The following MTOR variants were observed in gnomAD, a reference collection of about 807,000 sequenced individuals.
The protein encoded by MTOR is serine/threonine-protein kinase mTOR.
A neutral mutation model predicts 319.8 loss-of-function variants in MTOR; 70 were observed. The ratio of observed to expected loss-of-function variants is 0.22; its 90% CI spans 0.18 to 0.27. MTOR has a LOEUF of 0.27. MTOR is among the 10% of genes least tolerant of loss of function. The pLI, the probability that MTOR is intolerant of heterozygous loss-of-function variation, is 1.00. For synonymous variants in MTOR, 1,183 were observed against 1,211.4 expected (o/e 0.98, Z 0.49); for missense variants, 1,890 against 3,274.4 (o/e 0.58, Z 10.32).
In MTOR at chr1:11,133,310, C is replaced by A; in HGVS notation, c.5247-113G>T. The A allele has an allele frequency of 2.1e-6, 2 of 951,864 alleles. No homozygotes were observed. The highest frequency in any genetic ancestry group is 1.5e-5 in the South Asian group (1 of 66,784). 59.0% of individuals were successfully genotyped at this position (951,864 alleles called of 1,614,324 possible). On this transcript the variant is annotated intron_variant, in intron 37 of 57. Transcript: ENST00000361445. The surrounding 1 kb of genome is among the most constrained non-coding windows in gnomAD (Gnocchi z 4.0). ...CCCTTCTGGTATTTCCTCTTATTCT[C>A]AAGAGGCAATGTGAAGGAGCTAGCA...
At chr1:11,111,255 G>C in intron 54 of MTOR, 2 of 428,746 alleles carry the variant, frequency 4.7e-6, no homozygotes, top group South Asian at 3.4e-5. Context: ...GAGGCGGGCA[G>C]ATCACTTGAG....
At chr1:11,138,302 A>G (rs552501012) in intron 36 of MTOR, among the ~76,000 whole-genome samples, 2 of 152,208 alleles carry the variant, frequency 1.3e-5, no homozygotes, top group Non-Finnish European at 2.9e-5. Flanking sequence ...AGACTGAAAA[A>G]TAAAACAAAA....
intron 28 of MTOR, chr1:11,189,252 C>T (rs186558291): frequency 8.9e-6 from 2 of 224,368 alleles, no homozygotes; most frequent in Middle Eastern, 1.8e-3. Context: ...AGGCACCTGA[C>T]CCTCCCAGAT....
chr1:11,126,560 G>A (rs1287856010), intron 46 of MTOR, 62 bp downstream of exon 46: 1 of 1,540,508 alleles, frequency 6.5e-7, no homozygotes, highest in Non-Finnish European at 8.9e-7. Flanking sequence ...TCAGAAGAGG[G>A]AAGGGGTCTC....
rs758900805 is a variant in MTOR at position 11,128,918 on chromosome 1, C to A, written c.5748G>T (p.Trp1916Cys). 7.4e-6 allele frequency: 12 copies of A among 1,613,616 alleles called. No individual in the cohort carries two copies. In the Admixed American group the frequency reaches 2.0e-4, roughly 27 times the overall value. Residue 1916 changes from tryptophan (W) to cysteine (C), a missense_variant, in exon 41 of 58, where the codon TGG becomes TGT. Transcript: ENST00000361445. This position sits in a 1 kb window ranked among gnomAD's most constrained non-coding sequence, Gnocchi z 5.3. ...VLTLWFDYGH[W>C]PDVNEALVEG... ...CCACTAAGGCCTCATTGACATCTGGCCAGTGACCATAATCAAACCATAAGG... is the reference window on the plus strand; with the variant it reads ...CCACTAAGGCCTCATTGACATCTGGACAGTGACCATAATCAAACCATAAGG...
rs891396154 is a variant in MTOR, at chr1:11,205,785, T to C, written c.3802-1082A>G. On this transcript the variant is annotated intron_variant, in intron 25 of 57. Coordinates refer to ENST00000361445, the MANE Select transcript of MTOR (RefSeq NM_004958.4). ...CACTAAATCCCTAACTTTTAAAATA[T>C]GTTCTTCATAGATTTTTCCAGCAGG... Among the ~76,000 whole-genome samples the C allele has an allele frequency of 2.0e-5, 3 of 152,344 alleles. No individual in the cohort carries two copies. In the East Asian group the frequency reaches 5.8e-4, roughly 29 times the overall value.
intron 28 of MTOR, chr1:11,194,694 G>A (rs1329215150): frequency 6.2e-7 from 1 of 1,613,180 alleles, no homozygotes; most frequent in Non-Finnish European, 8.5e-7. Context: ...GAGAAGTTCA[G>A]GTACAAGCTC....
At chr1:11,157,863 T>C (rs147547472) in intron 29 of MTOR, among the ~76,000 whole-genome samples, 265 of 152,342 alleles carry the variant, frequency 1.7e-3, no homozygotes, top group African/African-American at 6.2e-3. Flanking sequence ...GAAATAATAA[T>C]TTAAAATATA....
At position 11,253,552 on chromosome 1, in the gene MTOR, G is replaced by C. The variant is rs916950036; in HGVS notation, c.840+287C>G. Among the ~76,000 whole-genome samples, 3 of 151,934 alleles carry C rather than the reference G, an allele frequency of 2.0e-5. No homozygotes were observed. The South Asian group carries it at 6.2e-4, about 32-fold the overall frequency. On this transcript the variant is annotated intron_variant, in intron 6 of 57. Transcript: ENST00000361445. Reference sequence around the variant, plus strand: ...GCCTCAGCCTGGAACACAGTCCCCCGGCCTGCTGCAAGGTAGCTCCTTCGT... The same window carrying C: ...GCCTCAGCCTGGAACACAGTCCCCCCGCCTGCTGCAAGGTAGCTCCTTCGT...
chr1:11,130,670 G>T lies in MTOR; in HGVS notation c.5472C>A (p.Asn1824Lys). ...KKKLRHASGA[N>K]ITNATTAATT... ...TGGCGGCAGTGGTGGCGTTGGTGAT[G>T]TTGGCCCCGCTGGCATGACGCAGTT... The change falls in exon 39 of 58, where the codon AAC (asparagine) becomes AAA (lysine). Residue 1824 changes from asparagine to lysine, a missense_variant. Transcript: ENST00000361445. The T allele has an allele frequency of 6.2e-7, 1 of 1,612,492 alleles. No homozygotes were observed. Among genetic ancestry groups the T allele is most frequent in the Middle Eastern group, 1.7e-4 (1 of 6,058 alleles).
Position 11,139,293 on chromosome 1 carries a change from G to T in MTOR, c.5130+11C>A, listed in dbSNP as rs2100476536. 6.3e-7 allele frequency: 1 copy of T among 1,597,004 alleles called. No individual in the cohort carries two copies. Among genetic ancestry groups the T allele is most frequent in the Non-Finnish European group, 8.5e-7 (1 of 1,175,612 alleles). On this transcript the variant is annotated intron_variant, in intron 36 of 57. Transcript: ENST00000361445. ...GAAGGTGGTCTGTTCTGGATGCATT[G>T]GGATACAGACCTTGCGGGCACTCTT...
Position 11,109,496 on chromosome 1 carries a change from T to C in MTOR, c.7448-126A>G. On this transcript the variant is annotated intron_variant, in intron 55 of 57. Transcript: ENST00000361445. The surrounding 1 kb of genome is among the most constrained non-coding windows in gnomAD (Gnocchi z 4.0). ...AGCAATCCTTCCTCTATGTCCGTCT[T>C]TGTCCTCAGAATATAATGAGAAATT... 8.2e-7 allele frequency: 1 copy of C among 1,216,174 alleles called. No individual in the cohort carries two copies. The allele number at this position is 1,216,174 out of a possible 1,614,324, so 75.3% of individuals were successfully genotyped here.
intron 49 of MTOR, among the ~76,000 whole-genome samples, chr1:11,119,653 G>C (rs958919186): frequency 6.7e-6 from 1 of 149,444 alleles, no homozygotes; most frequent in Non-Finnish European, 1.5e-5. Context: ...GGCTGAGGCA[G>C]GAGAATCACT....
intron 24 of MTOR, 27 bp from the exon 25 acceptor site, chr1:11,209,485 C>A: frequency 6.2e-7 from 1 of 1,613,256 alleles, no homozygotes; most frequent in South Asian, 1.1e-5. Flanking sequence ...ATAGGAAACA[C>A]CTATAACTCT....
At chr1:11,111,245 G>A (rs1393470154) in intron 54 of MTOR, 63 of 437,074 alleles carry the variant, frequency 1.4e-4, no homozygotes, top group South Asian at 9.5e-4. Context: ...TTGGGAGGCC[G>A]AGGCGGGCAG....
At chr1:11,202,079 T>C (rs116669666) in intron 26 of MTOR, among the ~76,000 whole-genome samples, 2,153 of 152,274 alleles carry the variant, frequency 0.014, 67 homozygotes, top group Admixed American at 0.07. Context: ...GTGCTGAGAT[T>C]ATAGGCAGGA....
At chr1:11,157,317 T>C (rs2100569082) in intron 29 of MTOR, 26 bp from the exon 30 acceptor site, 1 of 1,608,902 alleles carries the variant, frequency 6.2e-7, no homozygotes, top group Non-Finnish European at 8.5e-7. Context: ...GAAAGACTGC[T>C]GTGAGGTACA....
At chr1:11,213,324 T>C (rs1646367836) in intron 21 of MTOR, 75 bp downstream of exon 21, 1 of 1,510,598 alleles carries the variant, frequency 6.6e-7, no homozygotes, top group Admixed American at 2.0e-5. Context: ...GAATGAGGTC[T>C]CAGCTTTTAG....
chr1:11,260,479 T>C (rs2100989948), intron 1 of MTOR, among the ~76,000 whole-genome samples: 1 of 151,226 alleles, frequency 6.6e-6, no homozygotes, highest in Middle Eastern at 3.4e-3. Context: ...GAGGCAGAGG[T>C]TGCAGTGAGC....
Sources: allele counts gnomAD v4.1 joint callset (sites outside exome capture counted in the v4.1 genomes callset), GRCh38; gene constraint gnomAD v4.1.1; non-coding constraint Gnocchi (gnomAD v3.1); transcripts MANE v1.5; gene names NCBI Gene and HGNC (gene_info 2026-07-23, HGNC 2026-07-21).